The following RALYL variants were observed in gnomAD, a reference collection of about 807,000 sequenced individuals.
RALYL encodes RNA-binding Raly-like protein.
RALYL carries 29 observed loss-of-function variants against 35.1 expected under a neutral mutation model. The observed-to-expected ratio is 0.83, with a 90% CI of 0.61 to 1.13. The LOEUF (loss-of-function observed/expected upper bound fraction) is 1.13. Ranked by LOEUF, RALYL falls within the 50% of genes most tolerant of loss-of-function variation. The pLI, the probability that RALYL is intolerant of heterozygous loss-of-function variation, is 0.00. For missense variants in RALYL, 359 were observed against 360.4 expected (o/e 1.00, Z 0.03); for synonymous variants, 120 against 127.6 (o/e 0.94, Z 0.40).
At chr8:84,281,711 G>T (rs1183146032) in intron 1 of RALYL, among the ~76,000 whole-genome samples, 1 of 151,488 alleles carries the variant, frequency 6.6e-6, no homozygotes, top group Admixed American at 6.6e-5. Flanking sequence ...ATGTGTATGT[G>T]TGTGTGCACG....
At chr8:84,842,648 T>A (rs1833695368) in intron 4 of RALYL, among the ~76,000 whole-genome samples, 1 of 152,148 alleles carries the variant, frequency 6.6e-6, no homozygotes, top group South Asian at 2.1e-4. Flanking sequence ...TATCAAAGCC[T>A]GGCAGAGACA....
At chr8:84,245,410 T>C (rs974196748) in intron 1 of RALYL, among the ~76,000 whole-genome samples, 4 of 152,170 alleles carry the variant, frequency 2.6e-5, no homozygotes, top group African/African-American at 7.2e-5. Context: ...CAAATAATTT[T>C]ACCAGATTGT....
chr8:84,456,553 G>A (rs1222853550), intron 1 of RALYL, among the ~76,000 whole-genome samples: 1 of 151,894 alleles, frequency 6.6e-6, no homozygotes, highest in Non-Finnish European at 1.5e-5. Context: ...AAAAAAAAAG[G>A]TGAATGAATG....
intron 1 of RALYL, among the ~76,000 whole-genome samples, chr8:84,520,751 G>A (rs926407837): frequency 6.6e-6 from 1 of 152,078 alleles, no homozygotes; most frequent in African/African-American, 2.4e-5. Flanking sequence ...TGCTCCTTAC[G>A]AGAATCTAAC....
rs1422275231 is a variant in RALYL at position 84,372,896 on chromosome 8, T to TTTTG, written c.-23-156400_-23-156399insGTTT. ...ACCATGCCAGCATCTGTTTTTTTTT[T>TTTTG]TTTTTTTTTTTTTTTTTTTACTTTT... is the stretch of plus-strand genomic sequence containing the variant. On this transcript the variant is annotated intron_variant, in intron 1 of 8. Transcript: ENST00000521268. Among the ~76,000 whole-genome samples, 29 of 127,380 alleles carry TTTTG rather than the reference T, an allele frequency of 2.3e-4. 4 individuals carry two copies. Among genetic ancestry groups the TTTTG allele is most frequent in the Non-Finnish European group, 3.5e-4 (21 of 59,926 alleles). 83.6% of individuals were successfully genotyped at this position (127,380 alleles called of 152,430 possible).
At chr8:84,766,497 T>C (rs1814010278) in intron 2 of RALYL, among the ~76,000 whole-genome samples, 1 of 149,206 alleles carries the variant, frequency 6.7e-6, no homozygotes, top group East Asian at 2.0e-4. Flanking sequence ...ATCAAGACCA[T>C]CCTGGCTAAC....
intron 2 of RALYL, among the ~76,000 whole-genome samples, chr8:84,672,291 A>T (rs1833419611): frequency 6.6e-6 from 1 of 152,186 alleles, no homozygotes; most frequent in South Asian, 2.1e-4. Flanking sequence ...TATCATTATC[A>T]GCATTTTGGT....
intron 1 of RALYL, among the ~76,000 whole-genome samples, chr8:84,425,299 A>G (rs1034044810): frequency 8.6e-5 from 13 of 151,920 alleles, no homozygotes; most frequent in Non-Finnish European, 1.6e-4. Context: ...TTCGGGTGGG[A>G]GTGACCCGAT....
At chr8:84,686,811 C>G (rs548848239) in intron 2 of RALYL, among the ~76,000 whole-genome samples, 1 of 152,140 alleles carries the variant, frequency 6.6e-6, no homozygotes, top group Non-Finnish European at 1.5e-5. Flanking sequence ...CTTATTCCCC[C>G]CAATGACGGG....
At chr8:84,615,691 C>T (rs990566935) in intron 2 of RALYL, among the ~76,000 whole-genome samples, 1 of 138,766 alleles carries the variant, frequency 7.2e-6, no homozygotes, top group African/African-American at 2.8e-5. Context: ...GTGCGCTGCA[C>T]CCACTAACTC....
At chr8:84,811,353 CT>C (rs1224674890) in intron 4 of RALYL, among the ~76,000 whole-genome samples, 1 of 152,122 alleles carries the variant, frequency 6.6e-6, no homozygotes, top group Non-Finnish European at 1.5e-5. Flanking sequence ...CCAATCCCTT[CT>C]AGTTTGTAGG....
chr8:84,498,946 A>G (rs921019054), intron 1 of RALYL, among the ~76,000 whole-genome samples: 1 of 152,170 alleles, frequency 6.6e-6, no homozygotes, highest in Non-Finnish European at 1.5e-5. Flanking sequence ...TATTTATCCA[A>G]GGAAATAAAG....
chr8:84,190,543 G>C (rs1254445852), intron 1 of RALYL, among the ~76,000 whole-genome samples: 1 of 152,184 alleles, frequency 6.6e-6, no homozygotes, highest in East Asian at 1.9e-4. Context: ...AGTGGATTTA[G>C]AGGTCAAAGT....
At chr8:84,457,637 C>G (rs925763106) in intron 1 of RALYL, among the ~76,000 whole-genome samples, 1 of 151,810 alleles carries the variant, frequency 6.6e-6, no homozygotes, top group Admixed American at 6.6e-5. Context: ...TAAGCATTCT[C>G]TAATATCTTA....
intron 1 of RALYL, among the ~76,000 whole-genome samples, chr8:84,253,867 C>G (rs1352670643): frequency 6.6e-6 from 1 of 152,168 alleles, no homozygotes; most frequent in South Asian, 2.1e-4. Flanking sequence ...TTGCCTACTG[C>G]CAATCTCTTA....
chr8:84,684,089 C>T (rs1272260944), intron 2 of RALYL, among the ~76,000 whole-genome samples: 1 of 152,098 alleles, frequency 6.6e-6, no homozygotes, highest in African/African-American at 2.4e-5. Flanking sequence ...ACTATTATGC[C>T]AAATTCAGCA....
chr8:84,774,728 G>C lies in RALYL; in HGVS notation c.332+74G>C, dbSNP rs533349834. On this transcript the variant is annotated intron_variant, in intron 3 of 8. Coordinates refer to ENST00000521268, the MANE Select transcript of RALYL (RefSeq NM_173848.7). ...GCAGCTTTATAAGGCAATATAACTT[G>C]TAAGGCATCCACTATTTAAAATAAT... 32 of 898,590 alleles carry C rather than the reference G, an allele frequency of 3.6e-5. No individual in the cohort carries two copies. In the African/African-American group the frequency reaches 4.6e-4, roughly 13 times the overall value. 55.7% of individuals were successfully genotyped at this position (898,590 alleles called of 1,614,324 possible). A position where few individuals can be genotyped will look rare whatever the true frequency, so the allele number is the denominator to read the frequency against.
intron 2 of RALYL, among the ~76,000 whole-genome samples, chr8:84,565,700 T>G (rs2061739007): frequency 6.6e-6 from 1 of 151,544 alleles, no homozygotes; most frequent in Admixed American, 6.6e-5. Context: ...TGAATGCCTG[T>G]TGATTGTGAT....
intron 1 of RALYL, among the ~76,000 whole-genome samples, chr8:84,453,220 A>G (rs2049717012): frequency 6.6e-6 from 1 of 151,918 alleles, no homozygotes; most frequent in African/African-American, 2.4e-5. Context: ...ATACATATAT[A>G]CACACATATA....
Sources: gnomAD v4.1 joint callset for allele counts (sites outside exome capture counted in the v4.1 genomes callset) on GRCh38, gnomAD v4.1.1 for gene constraint, MANE v1.5 for transcripts, NCBI Gene and HGNC (gene_info 2026-07-23, HGNC 2026-07-21) for gene names.